The following NAV1 variants were observed in gnomAD, a reference collection of about 807,000 sequenced individuals.
NAV1 encodes the protein pore membrane and/or filament interacting like protein 3.
In NAV1, 18 loss-of-function variants were observed where a neutral mutation model predicts 175.2. That is an observed-to-expected ratio of 0.10 (90% CI 0.07 to 0.15). The LOEUF (loss-of-function observed/expected upper bound fraction) is 0.15, where lower values mean the gene tolerates loss of function less well. NAV1 is among the 10% of genes least tolerant of loss of function. The probability of loss-of-function intolerance (pLI) is 1.00; values close to 1 mark genes in which losing one functional copy is unlikely to be tolerated. For missense variants in NAV1, 1,731 were observed against 2,436.6 expected (o/e 0.71, Z 6.10); for synonymous variants, 897 against 978.7 (o/e 0.92, Z 1.56).
At chr1:201,574,896 G>A (rs554660245) in intron 1 of NAV1, among the ~76,000 whole-genome samples, 1 of 152,288 alleles carries the variant, frequency 6.6e-6, no homozygotes, top group African/African-American at 2.4e-5. Context: ...GCTCAGACTG[G>A]GGTGCTCATG....
chr1:201,705,084 G>A (rs1671611376), intron 1 of NAV1, among the ~76,000 whole-genome samples: 1 of 152,162 alleles, frequency 6.6e-6, no homozygotes, highest in Non-Finnish European at 1.5e-5. Flanking sequence ...CTCCCAAAGT[G>A]TTGTGATTAC....
chr1:201,800,093 G>A (rs1490974714), intron 15 of NAV1, among the ~76,000 whole-genome samples: 4 of 151,834 alleles, frequency 2.6e-5, no homozygotes, highest in Admixed American at 2.0e-4. Context: ...TCGATCCCTG[G>A]GACTCATATG....
In NAV1 at chr1:201,808,809, C is replaced by A; in HGVS notation, c.4145C>A (p.Ser1382Tyr). 1 of 1,614,074 alleles carries A rather than the reference C, an allele frequency of 6.2e-7. No individual in the cohort carries two copies. Among genetic ancestry groups the A allele is most frequent in the Non-Finnish European group, 8.5e-7 (1 of 1,180,042 alleles). ...GTCCCTGGATCATCTGCATTATCTT[C>A]CCCACGCCGCTCCCTAGGCCTGGCA... is the stretch of plus-strand genomic sequence containing the variant. The change falls in exon 20 of 30, where the codon TCC becomes TAC. Residue 1382 changes from serine (S) to tyrosine (Y), a missense_variant. Coordinates refer to ENST00000367296, the Ensembl canonical transcript of NAV1. This position sits in a 1 kb window ranked among gnomAD's most constrained non-coding sequence, Gnocchi z 5.5.
intron 1 of NAV1, among the ~76,000 whole-genome samples, chr1:201,549,401 G>T (rs1665779198): frequency 1.3e-5 from 2 of 151,954 alleles, no homozygotes; most frequent in South Asian, 4.2e-4. Context: ...TAGCGAGGGG[G>T]TTTTGCCATG....
intron 1 of NAV1, among the ~76,000 whole-genome samples, chr1:201,660,277 T>A (rs920129115): frequency 7.2e-5 from 11 of 152,210 alleles, no homozygotes; most frequent in African/African-American, 2.7e-4. Context: ...GTGGCCTTCC[T>A]CAGCTGTAGT....
chr1:201,714,961 CT>C lies in NAV1; in HGVS notation c.860+2046del, dbSNP rs1432022566. On this transcript the variant is annotated intron_variant, in intron 2 of 29. Coordinates refer to ENST00000367296, the Ensembl canonical transcript of NAV1. Reference sequence around the variant, plus strand: ...GGGAAAGGGGAGGCTTCAATCAAGCCTTTTGCATAATGCTGACTGGTTTAGG... The same window carrying C: ...GGGAAAGGGGAGGCTTCAATCAAGCCTTTGCATAATGCTGACTGGTTTAGG... Among the ~76,000 whole-genome samples, 3 of 152,260 alleles carry C rather than the reference CT, an allele frequency of 2.0e-5. No homozygotes were observed. In the East Asian group the frequency reaches 5.8e-4, roughly 29 times the overall value.
chr1:201,576,146 G>A (rs1666685136), intron 1 of NAV1, among the ~76,000 whole-genome samples: 1 of 152,118 alleles, frequency 6.6e-6, no homozygotes, highest in African/African-American at 2.4e-5. Flanking sequence ...CCTTTTAAAG[G>A]CACGCCCACT....
Position 201,782,794 on chromosome 1 carries a change from C to G in NAV1, c.2282C>G (p.Pro761Arg). ...ATCTCCTTGAAGAGTATTGGCTCCC[C>G]AGAAAGTACTCCCAAGAACCAAGCA... is the stretch of plus-strand genomic sequence containing the variant. The change falls in exon 6 of 30, where the codon CCA (proline) becomes CGA (arginine). Residue 761 changes from proline (P) to arginine (R), a missense_variant. Pro to Arg is a moderately radical substitution (Grantham distance 103). Coordinates refer to ENST00000367296, the Ensembl canonical transcript of NAV1. The surrounding 1 kb of genome is among the most constrained non-coding windows in gnomAD (Gnocchi z 5.4). 6.2e-7 allele frequency: 1 copy of G among 1,613,392 alleles called. No individual in the cohort carries two copies. The highest frequency in any genetic ancestry group is 8.5e-7 in the Non-Finnish European group (1 of 1,179,622).
At chr1:201,612,633 T>C (rs1667884860) in intron 2 of NAV1, among the ~76,000 whole-genome samples, 1 of 152,212 alleles carries the variant, frequency 6.6e-6, no homozygotes, top group Non-Finnish European at 1.5e-5. Flanking sequence ...TTCCTTCAAG[T>C]CTCTTTTATG....
rs1337310744 is a variant in NAV1, at chr1:201,807,331, GC to G, written c.3649-619del. The stretch of plus-strand genomic sequence containing the variant: ...ACAAGAAATACTAAAAGAAGCTTGA[GC>G]CCACTGCCTTCTCGTGTTCTCCACA... On this transcript the variant is annotated intron_variant, in intron 17 of 29. Transcript: ENST00000367296. This position sits in a 1 kb window ranked among gnomAD's most constrained non-coding sequence, Gnocchi z 5.4. 6.6e-6 allele frequency among the ~76,000 whole-genome samples: 1 copy of G among 152,194 alleles called. No individual in the cohort carries two copies. Among genetic ancestry groups the G allele is most frequent in the African/African-American group, 2.4e-5 (1 of 41,434 alleles).
intron 1 of NAV1, among the ~76,000 whole-genome samples, chr1:201,573,210 C>T (rs1666598399): frequency 6.6e-6 from 1 of 152,248 alleles, no homozygotes; most frequent in Admixed American, 6.5e-5. Context: ...GATGTACAGA[C>T]AGCAGGACAT....
chr1:201,550,010 C>CA (rs1186985996), intron 1 of NAV1, among the ~76,000 whole-genome samples: 1,715 of 17,270 alleles, frequency 0.099, 206 homozygotes, highest in East Asian at 0.42. Flanking sequence ...GACTCCATCT[C>CA]AAAAAAAAAA....
intron 15 of NAV1, 87 bp downstream of exon 19, chr1:201,794,664 A>T: frequency 8.5e-7 from 1 of 1,175,682 alleles, no homozygotes; most frequent in Non-Finnish European, 1.3e-6. Flanking sequence ...ATAGTATTCC[A>T]AGTCCTATAT....
chr1:201,614,033 G>A (rs1231134067), intron 2 of NAV1, among the ~76,000 whole-genome samples: 8 of 150,968 alleles, frequency 5.3e-5, no homozygotes, highest in African/African-American at 2.0e-4. Flanking sequence ...AGGGGACTGG[G>A]TGGGGGTTGG....
rs1674019742 is a variant in NAV1, at chr1:201,750,272, T to A, written c.1227-30149T>A. On this transcript the variant is annotated intron_variant, in intron 3 of 29. Coordinates refer to ENST00000367296, the Ensembl canonical transcript of NAV1. The surrounding 1 kb of genome is among the most constrained non-coding windows in gnomAD (Gnocchi z 4.1). ...TATGAAAAACCCTTCCCTGGAAGTC[T>A]CCCAAAGCAGAAAAACACCCATTTG... is the stretch of plus-strand genomic sequence containing the variant. 6.6e-6 allele frequency among the ~76,000 whole-genome samples: 1 copy of A among 152,130 alleles called. No homozygotes were observed.
At chr1:201,806,322 G>A (rs1174303607) in intron 17 of NAV1, among the ~76,000 whole-genome samples, 3 of 152,214 alleles carry the variant, frequency 2.0e-5, no homozygotes, top group East Asian at 1.9e-4. Flanking sequence ...AGAAAAAGTT[G>A]TGAGATATCC....
In NAV1 at chr1:201,750,864, C is replaced by G. The variant is rs1674060365; in HGVS notation, c.1227-29557C>G. On this transcript the variant is annotated intron_variant, in intron 3 of 29. Coordinates refer to ENST00000367296, the Ensembl canonical transcript of NAV1. This position sits in a 1 kb window ranked among gnomAD's most constrained non-coding sequence, Gnocchi z 4.1. ...AATTGAGAAGTGGTCTGGATCTACC[C>G]TGTATCAGAACAGGATGGAAGAAAG... Among the ~76,000 whole-genome samples the G allele has an allele frequency of 6.6e-6, 1 of 152,100 alleles. No individual in the cohort carries two copies. The highest frequency in any genetic ancestry group is 6.5e-5 in the Admixed American group (1 of 15,270).
Position 201,580,601 on chromosome 1 carries a change from C to T in NAV1, c.-143-7938C>T, listed in dbSNP as rs1017697575. On this transcript the variant is annotated intron_variant, in intron 1 of 33. Transcript: ENST00000685211. Reference sequence around the variant, plus strand: ...CAGCCTGGCCAACATGGTGAAACCCCGTCTCTGCTAAAAATACAAAAAATA... The same window carrying T: ...CAGCCTGGCCAACATGGTGAAACCCTGTCTCTGCTAAAAATACAAAAAATA... 2.6e-5 allele frequency among the ~76,000 whole-genome samples: 4 copies of T among 152,094 alleles called. No individual in the cohort carries two copies. In the South Asian group the frequency reaches 6.2e-4, roughly 24 times the overall value.
chr1:201,584,909 C>T (rs979824567), intron 1 of NAV1, among the ~76,000 whole-genome samples: 2 of 152,200 alleles, frequency 1.3e-5, no homozygotes, highest in African/African-American at 4.8e-5. Context: ...TGGCATCCCA[C>T]GGGAGAGGAG....
Sources: gnomAD v4.1 joint callset for allele counts (sites outside exome capture counted in the v4.1 genomes callset) on GRCh38, gnomAD v4.1.1 for gene constraint, Gnocchi (gnomAD v3.1) non-coding constraint, MANE v1.5 for transcripts, NCBI Gene and HGNC (gene_info 2026-07-23, HGNC 2026-07-21) for gene names.